Variants in ZNF215 observed in about 807,000 individuals in gnomAD.
ZNF215 encodes zinc finger protein 215, also known as BWSCR2-associated zinc finger protein 2.
In ZNF215, 24 loss-of-function variants were observed where a neutral mutation model predicts 27.2. The ratio of observed to expected loss-of-function variants is 0.88; its 90% CI spans 0.64 to 1.24. The LOEUF (loss-of-function observed/expected upper bound fraction) is 1.24, where lower values mean the gene tolerates loss of function less well. Ranked by LOEUF, ZNF215 falls within the 50% of genes most tolerant of loss-of-function variation. The pLI is 0.00. For synonymous variants in ZNF215, 210 were observed against 204.0 expected (o/e 1.03, Z -0.25); for missense variants, 675 against 605.7 (o/e 1.11, Z -1.20).
rs758280484 is a variant in ZNF215, at chr11:6,932,279, C to G, written c.7C>G (p.Pro3Ala). Residue 3 changes from proline to alanine, a missense_variant, in exon 3 of 7, where the codon CCT (proline) becomes GCT (alanine). Transcript: ENST00000278319. ...GGGAGTTCTATTTAGGAAGATGCAGCCTCTGAGCAAGTTGATGGCTATCTC... is the reference window on the plus strand; with the variant it reads ...GGGAGTTCTATTTAGGAAGATGCAGGCTCTGAGCAAGTTGATGGCTATCTC... MQPLSKLMAISKP... is the reference protein window; with the variant it reads MQALSKLMAISKP... 2 of 1,613,244 alleles carry G rather than the reference C, an allele frequency of 1.2e-6. No homozygotes were observed. Among genetic ancestry groups the G allele is most frequent in the Middle Eastern group, 1.7e-4 (1 of 6,060 alleles).
intron 6 of ZNF215, among the ~76,000 whole-genome samples, chr11:6,949,208 T>C (rs573549934): frequency 1.4e-4 from 21 of 152,208 alleles, no homozygotes; most frequent in Admixed American, 1.2e-3. Flanking sequence ...TCAATAAACA[T>C]ACGTGTGCAT....
intron 5 of ZNF215, among the ~76,000 whole-genome samples, chr11:6,972,654 T>G (rs1187141935): frequency 6.6e-6 from 1 of 152,136 alleles, no homozygotes; most frequent in African/African-American, 2.4e-5. Flanking sequence ...ACCAAAACTC[T>G]TATATAAATC....
chr11:6,934,239 A>G (rs1849362532), intron 3 of ZNF215, among the ~76,000 whole-genome samples: 2 of 152,212 alleles, frequency 1.3e-5, no homozygotes, highest in Admixed American at 1.3e-4. Context: ...TCAAGAAGTT[A>G]ATGTTCAACA....
chr11:6,993,851 CA>C (rs1042659348), downstream of ZNF215, among the ~76,000 whole-genome samples: 1 of 152,200 alleles, frequency 6.6e-6, no homozygotes, highest in African/African-American at 2.4e-5. Flanking sequence ...ATGTGCAGAG[CA>C]GAGCAAATTT....
chr11:6,945,768 C>T (rs1849794246), intron 6 of ZNF215, among the ~76,000 whole-genome samples: 1 of 152,196 alleles, frequency 6.6e-6, no homozygotes, highest in Admixed American at 6.5e-5. Context: ...AATATTTAAT[C>T]TTGTTTTGTC....
At chr11:6,988,689 C>A (rs1196953562), downstream of ZNF215, 1 of 152,172 alleles carries the variant, frequency 6.6e-6, no homozygotes, top group Non-Finnish European at 1.5e-5. Context: ...TCAGCCTCCC[C>A]ATCAGAGCTG....
At chr11:6,926,788 G>C (rs1849058849) in intron 1 of ZNF215, 103 bp downstream of exon 1, 1 of 152,354 alleles carries the variant, frequency 6.6e-6, no homozygotes, top group Admixed American at 6.5e-5. Context: ...AATCACGCTT[G>C]AGGGCGTCCA....
chr11:6,960,503 A>G (rs1850495148), downstream of ZNF215, among the ~76,000 whole-genome samples: 2 of 152,204 alleles, frequency 1.3e-5, no homozygotes, highest in African/African-American at 4.8e-5. Flanking sequence ...ATTCCCACTC[A>G]GCAGCATCAA....
chr11:6,962,688 A>G (rs1590078184), downstream of ZNF215, among the ~76,000 whole-genome samples: 1 of 152,068 alleles, frequency 6.6e-6, no homozygotes, highest in Non-Finnish European at 1.5e-5. Flanking sequence ...CAGCATCAAC[A>G]TCTGTTGGGA....
At position 6,932,439 on chromosome 11, in the gene ZNF215, A is replaced by G. The variant is rs1849296731; in HGVS notation, c.167A>G (p.Tyr56Cys). 1 of 1,614,180 alleles carries G rather than the reference A, an allele frequency of 6.2e-7. No homozygotes were observed. The highest frequency in any genetic ancestry group is 8.5e-7 in the Non-Finnish European group (1 of 1,180,018). ...ASRQKFRHFQYLKVSGPHEAL... is the reference protein window; with the variant it reads ...ASRQKFRHFQCLKVSGPHEAL... ...CGTCAAAAGTTCAGACATTTCCAGTATTTGAAAGTGTCTGGGCCCCATGAA... is the reference window on the plus strand; with the variant it reads ...CGTCAAAAGTTCAGACATTTCCAGTGTTTGAAAGTGTCTGGGCCCCATGAA... Residue 56 changes from tyrosine (Y) to cysteine (C), a missense_variant, in exon 3 of 7, where the codon TAT (tyrosine) becomes TGT (cysteine). Transcript: ENST00000278319.
At chr11:6,992,522 A>C (rs1851126621), downstream of ZNF215, among the ~76,000 whole-genome samples, 1 of 152,226 alleles carries the variant, frequency 6.6e-6, no homozygotes, top group African/African-American at 2.4e-5. Flanking sequence ...GTATAAATAA[A>C]ATGTGTAAAT....
chr11:6,932,251 T>C lies in ZNF215; in HGVS notation c.-22T>C, dbSNP rs775282243. On this transcript the variant is annotated 5_prime_UTR_variant, in exon 3 of 7. Coordinates refer to ENST00000278319, the MANE Select transcript of ZNF215 (RefSeq NM_013250.4). ...ATCTAGTAAGGCGGATTTGAACTACTGTGGGAGTTCTATTTAGGAAGATGC... is the reference window on the plus strand; with the variant it reads ...ATCTAGTAAGGCGGATTTGAACTACCGTGGGAGTTCTATTTAGGAAGATGC... 1.4e-5 allele frequency: 23 copies of C among 1,606,544 alleles called. No homozygotes were observed. Among genetic ancestry groups the C allele is most frequent in the East Asian group, 6.7e-5 (3 of 44,846 alleles).
At chr11:6,960,566 T>A (rs1046560986), downstream of ZNF215, among the ~76,000 whole-genome samples, 1 of 152,184 alleles carries the variant, frequency 6.6e-6, no homozygotes, top group Non-Finnish European at 1.5e-5. Flanking sequence ...AAGCAAGTGC[T>A]TCACCCAGGC....
At chr11:6,972,195 G>A (rs1049120147) in intron 5 of ZNF215, among the ~76,000 whole-genome samples, 2 of 151,786 alleles carry the variant, frequency 1.3e-5, no homozygotes, top group Admixed American at 6.6e-5. Flanking sequence ...TGTTTTCTTT[G>A]TGGAGAATGA....
rs557041873 is a variant in ZNF215 at position 6,957,814 on chromosome 11, A to C, written c.*1283A>C. The C allele has an allele frequency of 7.1e-6, 7 of 985,396 alleles. No individual in the cohort carries two copies. Among genetic ancestry groups the C allele is most frequent in the African/African-American group, 7.0e-5 (4 of 57,358 alleles). The allele number at this position is 985,396 out of a possible 1,614,324, so 61.0% of individuals were successfully genotyped here. Reference sequence around the variant, plus strand: ...ATATCATTTATACCAGACATTATGAAGTTATTAAAGTCTCCTATACTCTGT... The same window carrying C: ...ATATCATTTATACCAGACATTATGACGTTATTAAAGTCTCCTATACTCTGT... On this transcript the variant is annotated 3_prime_UTR_variant, in exon 7 of 7. Coordinates refer to ENST00000278319, the MANE Select transcript of ZNF215 (RefSeq NM_013250.4).
At chr11:6,989,610 T>A (rs1027876983), downstream of ZNF215, among the ~76,000 whole-genome samples, 1 of 152,108 alleles carries the variant, frequency 6.6e-6, no homozygotes, top group African/African-American at 2.4e-5. Context: ...ATTTCATGAA[T>A]AGGTGGCCCA....
At chr11:6,966,793 A>G (rs556390449) in intron 5 of ZNF215, among the ~76,000 whole-genome samples, 6 of 151,484 alleles carry the variant, frequency 4.0e-5, no homozygotes, top group African/African-American at 1.5e-4. Flanking sequence ...TTTTTTAAGT[A>G]TATGGGAAGT....
intron 6 of ZNF215, among the ~76,000 whole-genome samples, chr11:6,944,393 C>A (rs1590057569): frequency 7.3e-6 from 1 of 136,654 alleles, no homozygotes; most frequent in Non-Finnish European, 1.6e-5. Flanking sequence ...TCCATTTTTC[C>A]TTTTTTTTTT....
intron 5 of ZNF215, among the ~76,000 whole-genome samples, chr11:6,965,741 G>A (rs1449035635): frequency 6.6e-6 from 1 of 151,968 alleles, no homozygotes; most frequent in African/African-American, 2.4e-5. Flanking sequence ...ATTTCATATT[G>A]ACTTAGCTTC....
Sources: gnomAD v4.1 joint callset for allele counts (sites outside exome capture counted in the v4.1 genomes callset) on GRCh38, gnomAD v4.1.1 for gene constraint, MANE v1.5 for transcripts, NCBI Gene and HGNC (gene_info 2026-07-23, HGNC 2026-07-21) for gene names.